RASEF: variants seen among roughly 807,000 people sequenced by gnomAD.
RASEF encodes ras and EF-hand domain-containing protein.
In RASEF, 68 loss-of-function variants were observed where a neutral mutation model predicts 90.1. The ratio of observed to expected loss-of-function variants is 0.75; its 90% confidence interval spans 0.62 to 0.92. The LOEUF (loss-of-function observed/expected upper bound fraction) is 0.92. RASEF is among the 40% of genes least tolerant of loss of function. The pLI, the probability that RASEF is intolerant of heterozygous loss-of-function variation, is 0.00. For synonymous variants in RASEF, 331 were observed against 345.2 expected (o/e 0.96, Z 0.46); for missense variants, 949 against 937.2 (o/e 1.01, Z -0.16).
the RASEF span, among the ~76,000 whole-genome samples, chr9:83,116,296 G>A: frequency 8.5e-5 from 13 of 152,078 alleles, no homozygotes; most frequent in East Asian, 5.8e-4. Flanking sequence ...CAGCTGCATC[G>A]TTTTTATGAC....
At chr9:82,994,713 A>G (rs1239359963) in intron 14 of RASEF, among the ~76,000 whole-genome samples, 1 of 152,254 alleles carries the variant, frequency 6.6e-6, no homozygotes, top group Admixed American at 6.5e-5. Flanking sequence ...ATCTCCATTC[A>G]GCTTTTACCC....
At chr9:83,026,427 C>T (rs1331422540) in intron 1 of RASEF, among the ~76,000 whole-genome samples, 1 of 152,148 alleles carries the variant, frequency 6.6e-6, no homozygotes. Context: ...CCTCAGGAAA[C>T]TTACAAACAT....
the RASEF span, among the ~76,000 whole-genome samples, chr9:83,095,400 A>G: frequency 6.6e-6 from 1 of 150,854 alleles, no homozygotes; most frequent in African/African-American, 2.4e-5. Context: ...GTAGTGGACT[A>G]CTGAGATTTC....
chr9:83,123,228 A>C, the RASEF span, among the ~76,000 whole-genome samples: 1 of 140,082 alleles, frequency 7.1e-6, no homozygotes, highest in African/African-American at 2.8e-5. Context: ...CTACAGAGCG[A>C]GACTCCATCA....
the RASEF span, among the ~76,000 whole-genome samples, chr9:83,204,818 AT>A: frequency 1.3e-5 from 2 of 152,240 alleles, no homozygotes; most frequent in Non-Finnish European, 2.9e-5. Flanking sequence ...CAAAAAGATC[AT>A]TTAGTTCTAG....
chr9:83,021,258 G>T lies in RASEF; in HGVS notation c.669+1078C>A, dbSNP rs139030793. On this transcript the variant is annotated intron_variant, in intron 3 of 16. Transcript: ENST00000376447. ...CCATTTTAGAGATGGAATAACAAAG[G>T]CTCAGAGGTTGGGTTATTTTCCCAA... 6.8e-3 allele frequency among the ~76,000 whole-genome samples: 1,033 copies of T among 152,244 alleles called. 16 individuals are homozygous for T. The highest frequency in any genetic ancestry group is 0.023 in the African/African-American group (968 of 41,542).
chr9:83,120,498 G>A, the RASEF span, among the ~76,000 whole-genome samples: 1 of 152,160 alleles, frequency 6.6e-6, no homozygotes, highest in Non-Finnish European at 1.5e-5. Context: ...TAACAATGCT[G>A]TGGAATGAAG....
At chr9:83,158,889 A>G in the RASEF span, among the ~76,000 whole-genome samples, 3 of 151,740 alleles carry the variant, frequency 2.0e-5, no homozygotes, top group Admixed American at 1.3e-4. Flanking sequence ...CTTGAAGCTG[A>G]TGTTGAAATT....
chr9:83,035,882 T>C (rs1196209016), intron 1 of RASEF, among the ~76,000 whole-genome samples: 1 of 152,236 alleles, frequency 6.6e-6, no homozygotes, highest in East Asian at 1.9e-4. Context: ...CCTGTCCACA[T>C]GAAGCATCTA....
chr9:83,036,894 G>A (rs548852300), intron 1 of RASEF, among the ~76,000 whole-genome samples: 14 of 149,960 alleles, frequency 9.3e-5, no homozygotes, highest in Non-Finnish European at 1.8e-4. Flanking sequence ...TTTTGTTTTT[G>A]TTTTTTTTTA....
chr9:83,126,732 A>C, the RASEF span, among the ~76,000 whole-genome samples: 2 of 152,240 alleles, frequency 1.3e-5, no homozygotes, highest in Non-Finnish European at 2.9e-5. Context: ...ATTGTCAGAC[A>C]TTCTCTTTTG....
the RASEF span, among the ~76,000 whole-genome samples, chr9:83,097,068 T>C: frequency 1.3e-5 from 2 of 152,186 alleles, no homozygotes; most frequent in African/African-American, 4.8e-5. Context: ...GTCTTTGCTA[T>C]TGTGAATAGT....
the RASEF span, among the ~76,000 whole-genome samples, chr9:83,173,149 T>C: frequency 1.1e-3 from 166 of 152,106 alleles, no homozygotes; most frequent in African/African-American, 3.8e-3. Flanking sequence ...TATTTGCTTC[T>C]TTTCAATTGC....
chr9:83,102,071 C>T, the RASEF span, among the ~76,000 whole-genome samples: 1 of 151,980 alleles, frequency 6.6e-6, no homozygotes, highest in Non-Finnish European at 1.5e-5. Flanking sequence ...AAAGATGGCA[C>T]AAAGGTGAAA....
chr9:83,115,492 A>G, the RASEF span, among the ~76,000 whole-genome samples: 1 of 152,212 alleles, frequency 6.6e-6, no homozygotes. Flanking sequence ...TCAATTTCCC[A>G]TCCAACAACA....
chr9:83,121,424 A>G, the RASEF span, among the ~76,000 whole-genome samples: 1 of 152,180 alleles, frequency 6.6e-6, no homozygotes, highest in South Asian at 2.1e-4. Flanking sequence ...GATTCTCAAA[A>G]ACATTGCTGC....
At chr9:83,045,596 C>T (rs1323818818) in intron 1 of RASEF, among the ~76,000 whole-genome samples, 1 of 152,176 alleles carries the variant, frequency 6.6e-6, no homozygotes, top group Non-Finnish European at 1.5e-5. Flanking sequence ...TAGACCAACA[C>T]AAAACCTTGA....
At chr9:82,995,389 G>A (rs1828896494) in intron 14 of RASEF, among the ~76,000 whole-genome samples, 1 of 152,178 alleles carries the variant, frequency 6.6e-6, no homozygotes, top group Non-Finnish European at 1.5e-5. Flanking sequence ...CCATCCCAGG[G>A]ATCTCCATTT....
chr9:83,092,508 T>C, the RASEF span, among the ~76,000 whole-genome samples: 8 of 151,832 alleles, frequency 5.3e-5, no homozygotes, highest in African/African-American at 1.9e-4. Context: ...TCTGGAGTTG[T>C]TCGTTCCTCC....
Sources: allele counts gnomAD v4.1 joint callset (sites outside exome capture counted in the v4.1 genomes callset), GRCh38; gene constraint gnomAD v4.1.1; transcripts MANE v1.5; gene names NCBI Gene and HGNC (gene_info 2026-07-23, HGNC 2026-07-21).